The following MAPRE3 variants were observed in gnomAD, a reference collection of about 807,000 sequenced individuals.
The protein encoded by MAPRE3 is microtubule-associated protein RP/EB family member 3.
Under a neutral mutation model 30.5 loss-of-function variants are expected in MAPRE3, and 2 were observed. The observed-to-expected ratio is 0.07, with a 90% CI of 0.03 to 0.21. The LOEUF (loss-of-function observed/expected upper bound fraction) is 0.21. Among genes scored for constraint, MAPRE3 ranks in the 10% least tolerant of loss-of-function variants. MAPRE3 has a pLI of 1.00. For synonymous variants in MAPRE3, 110 were observed against 127.7 expected (o/e 0.86, Z 0.93); for missense variants, 204 against 351.8 (o/e 0.58, Z 3.36).
chr2:27,006,009 C>T (rs749619967), intron 1 of MAPRE3, among the ~76,000 whole-genome samples: 1 of 152,152 alleles, frequency 6.6e-6, no homozygotes, highest in African/African-American at 2.4e-5. Context: ...GGTGAAACCC[C>T]GTCTCTACTA....
chr2:26,995,775 A>G (rs1666438773), intron 1 of MAPRE3, among the ~76,000 whole-genome samples: 1 of 53,320 alleles, frequency 1.9e-5, no homozygotes, highest in Non-Finnish European at 4.1e-5. Flanking sequence ...GGTCTTTCTA[A>G]GAGAGGTGTG....
chr2:27,026,498 C>A lies in MAPRE3; in HGVS notation c.*150C>A. On this transcript the variant is annotated 3_prime_UTR_variant, in exon 7 of 7. Transcript: ENST00000233121. ...GAGCCAGGCGAGGGGGGCTTGGGGGCATGGGGCCGGAAAGCAGGCAGAAGC... is the reference window on the plus strand; with the variant it reads ...GAGCCAGGCGAGGGGGGCTTGGGGGAATGGGGCCGGAAAGCAGGCAGAAGC... 1.5e-6 allele frequency: 1 copy of A among 649,044 alleles called. No homozygotes were observed. Among genetic ancestry groups the A allele is most frequent in the Non-Finnish European group, 2.5e-6 (1 of 392,392 alleles). The allele number at this position is 649,044 out of a possible 1,614,324, so 40.2% of individuals were successfully genotyped here.
chr2:26,997,564 G>A (rs1027246033), intron 1 of MAPRE3, among the ~76,000 whole-genome samples: 5 of 152,024 alleles, frequency 3.3e-5, no homozygotes, highest in African/African-American at 4.8e-5. Context: ...TGGTGCCGCC[G>A]CTGATCTGAC....
intron 1 of MAPRE3, among the ~76,000 whole-genome samples, chr2:26,975,538 ACC>A (rs1665998334): frequency 6.6e-6 from 1 of 152,218 alleles, no homozygotes; most frequent in South Asian, 2.1e-4. Context: ...GGAAGGAAAT[ACC>A]CATGTATAGA....
At chr2:26,981,982 C>G (rs939720131) in intron 1 of MAPRE3, among the ~76,000 whole-genome samples, 1 of 152,158 alleles carries the variant, frequency 6.6e-6, no homozygotes, top group Non-Finnish European at 1.5e-5. Flanking sequence ...GATAGAGTCC[C>G]TTGCTAGGAA....
chr2:26,989,830 G>A (rs1199078076), intron 1 of MAPRE3, among the ~76,000 whole-genome samples: 2 of 152,188 alleles, frequency 1.3e-5, no homozygotes, highest in Non-Finnish European at 2.9e-5. Context: ...AGACTTTGGG[G>A]TCACTGACCT....
intron 1 of MAPRE3, among the ~76,000 whole-genome samples, chr2:26,975,384 A>G (rs989232019): frequency 6.6e-6 from 1 of 152,212 alleles, no homozygotes; most frequent in Non-Finnish European, 1.5e-5. Flanking sequence ...CTTGCCAGTG[A>G]GCAGAGGTAA....
At chr2:27,011,513 A>G (rs1003176124) in intron 1 of MAPRE3, among the ~76,000 whole-genome samples, 3 of 152,188 alleles carry the variant, frequency 2.0e-5, no homozygotes, top group African/African-American at 7.2e-5. Context: ...GGTGTTGAGC[A>G]TTTTGTCAGT....
intron 1 of MAPRE3, among the ~76,000 whole-genome samples, chr2:26,997,567 G>A (rs568922202): frequency 6.6e-5 from 10 of 152,212 alleles, no homozygotes; most frequent in African/African-American, 2.4e-4. Flanking sequence ...TGCCGCCGCT[G>A]ATCTGACAGG....
intron 1 of MAPRE3, among the ~76,000 whole-genome samples, chr2:26,977,030 A>G (rs1284524620): frequency 6.6e-6 from 1 of 152,262 alleles, no homozygotes; most frequent in Non-Finnish European, 1.5e-5. Flanking sequence ...CATGGCATTA[A>G]AAACATTTGG....
chr2:26,974,571 T>G (rs1665980121), intron 1 of MAPRE3, among the ~76,000 whole-genome samples: 5 of 152,200 alleles, frequency 3.3e-5, no homozygotes, highest in Admixed American at 3.3e-4. Flanking sequence ...CCTCTCAGAA[T>G]GGAACCTTTT....
chr2:27,018,895 T>TTTTATTTATTTA (rs143408252), intron 1 of MAPRE3, among the ~76,000 whole-genome samples: 1,604 of 146,924 alleles, frequency 0.011, 27 homozygotes, highest in African/African-American at 0.036. Flanking sequence ...GCACACACAT[T>TTTTATTTATTTA]TTTATTTATT....
chr2:27,014,008 A>G (rs1358795335), intron 1 of MAPRE3: 1 of 152,216 alleles, frequency 6.6e-6, no homozygotes, highest in Non-Finnish European at 1.5e-5. Context: ...CAGGCAGCGA[A>G]TGGCAAAGCC....
At chr2:27,013,765 TG>T (rs1034793132) in intron 1 of MAPRE3, 1 of 152,164 alleles carries the variant, frequency 6.6e-6, no homozygotes, top group African/African-American at 2.4e-5. Flanking sequence ...AGAGGGTCTG[TG>T]GGAATTGGGT....
chr2:27,024,414 A>G, intron 4 of MAPRE3, 117 bp downstream of exon 4: 1 of 955,442 alleles, frequency 1.0e-6, no homozygotes. Flanking sequence ...ACTTGTTATC[A>G]CGGAGTTCGG....
At chr2:27,022,547 C>T (rs564754711) in intron 2 of MAPRE3, 3 of 604,208 alleles carry the variant, frequency 5.0e-6, no homozygotes, top group South Asian at 2.1e-5. Context: ...CTACTACACA[C>T]CTCGGCTATA....
intron 1 of MAPRE3, among the ~76,000 whole-genome samples, chr2:26,992,246 G>A (rs1343319669): frequency 7.1e-6 from 1 of 140,164 alleles, no homozygotes; most frequent in Non-Finnish European, 1.5e-5. Flanking sequence ...TTTTTTTTGA[G>A]ATGGAGTTTC....
intron 1 of MAPRE3, among the ~76,000 whole-genome samples, chr2:26,978,631 A>G (rs1274411902): frequency 6.6e-6 from 1 of 152,268 alleles, no homozygotes. Context: ...AGCAAGGTAC[A>G]GTGTCTTGAG....
At chr2:27,024,016 A>C in intron 3 of MAPRE3, 80 bp from the exon 4 acceptor site, 1 of 1,131,746 alleles carries the variant, frequency 8.8e-7, no homozygotes. Flanking sequence ...GGCTTTCCTG[A>C]GAGCAGTGGC....
Sources: gnomAD v4.1 joint callset for allele counts (sites outside exome capture counted in the v4.1 genomes callset) on GRCh38, gnomAD v4.1.1 for gene constraint, MANE v1.5 for transcripts, NCBI Gene and HGNC (gene_info 2026-07-23, HGNC 2026-07-21) for gene names.